The following XRCC2 variants were observed in gnomAD, a reference collection of about 807,000 sequenced individuals.
XRCC2 encodes DNA repair protein XRCC2.
Under a neutral mutation model 27.3 loss-of-function variants are expected in XRCC2, and 24 were observed. The ratio of observed to expected loss-of-function variants is 0.88; its 90% CI spans 0.64 to 1.24. XRCC2 has a LOEUF of 1.24. Ranked by LOEUF, XRCC2 falls within the 50% of genes most tolerant of loss-of-function variation. The pLI, the probability that XRCC2 is intolerant of heterozygous loss-of-function variation, is 0.00. For missense variants in XRCC2, 321 were observed against 325.8 expected (o/e 0.99, Z 0.11); for synonymous variants, 106 against 115.4 (o/e 0.92, Z 0.52).
chr7:152,669,175 A>C (rs1189736001), intron 1 of XRCC2, among the ~76,000 whole-genome samples: 1 of 152,178 alleles, frequency 6.6e-6, no homozygotes, highest in Non-Finnish European at 1.5e-5. Context: ...CAAGAGTTCA[A>C]GACTAGCCTG....
At chr7:152,675,122 C>A (rs2098040352) in intron 1 of XRCC2, among the ~76,000 whole-genome samples, 1 of 152,184 alleles carries the variant, frequency 6.6e-6, no homozygotes, top group Non-Finnish European at 1.5e-5. Flanking sequence ...TACTTCCCAA[C>A]CTATTGTCCC....
chr7:152,666,638 G>C lies in XRCC2; in HGVS notation c.40-5856C>G, dbSNP rs1419812506. ...ATTCTTTATTTTTTTTTTTTTTTGA[G>C]ACAGAGTCTCGCTTTGTCACCAAGG... On this transcript the variant is annotated intron_variant, in intron 1 of 2. Coordinates refer to ENST00000359321, the MANE Select transcript of XRCC2 (RefSeq NM_005431.2). 4.9e-5 allele frequency among the ~76,000 whole-genome samples: 7 copies of C among 142,124 alleles called. No individual in the cohort carries two copies. In the South Asian group the frequency reaches 1.6e-3, roughly 32 times the overall value. The allele number at this position is 142,124 out of a possible 152,430, so 93.2% of individuals were successfully genotyped here.
chr7:152,652,435 C>T (rs1042209699), intron 2 of XRCC2, among the ~76,000 whole-genome samples: 1 of 152,078 alleles, frequency 6.6e-6, no homozygotes, highest in African/African-American at 2.4e-5. Context: ...ACAGCAAATC[C>T]TCCCTCTCCT....
chr7:152,658,954 G>A (rs2098031882), intron 2 of XRCC2, among the ~76,000 whole-genome samples: 1 of 152,156 alleles, frequency 6.6e-6, no homozygotes, highest in Non-Finnish European at 1.5e-5. Context: ...ATTTCTCCAA[G>A]ATCCTACTTT....
intron 1 of XRCC2, among the ~76,000 whole-genome samples, chr7:152,667,077 C>T (rs532027672): frequency 6.6e-6 from 1 of 152,200 alleles, no homozygotes; most frequent in East Asian, 1.9e-4. Flanking sequence ...CTGTAGAATC[C>T]TCACCCCTGA....
At chr7:152,674,739 A>AAATATATTTTAAAATATATTTATATAT in intron 1 of XRCC2, among the ~76,000 whole-genome samples, 1 of 3,546 alleles carries the variant, frequency 2.8e-4, no homozygotes, top group African/African-American at 7.9e-4. Flanking sequence ...TATTATATAT[A>AAATATATTTTAAAATATATTTATATAT]AATATATTTT....
chr7:152,657,491 A>G (rs911491890), intron 2 of XRCC2, among the ~76,000 whole-genome samples: 3 of 151,976 alleles, frequency 2.0e-5, no homozygotes, highest in Non-Finnish European at 4.4e-5. Context: ...AGGTTTCACC[A>G]TGTTGGCCAG....
rs2098025406 is a variant in XRCC2, at chr7:152,645,570, G to A, written c.*3072C>T. On this transcript the variant is annotated 3_prime_UTR_variant, in exon 3 of 3. Transcript: ENST00000359321. Reference sequence around the variant, plus strand: ...CTAACCTTTAAAGAATGACAGTTTTGTTTCTTCCATATGCCTTTTTTTCAT... The same window carrying A: ...CTAACCTTTAAAGAATGACAGTTTTATTTCTTCCATATGCCTTTTTTTCAT... 1 of 152,006 alleles carries A rather than the reference G, an allele frequency of 6.6e-6. No individual in the cohort carries two copies. Among genetic ancestry groups the A allele is most frequent in the Non-Finnish European group, 1.5e-5 (1 of 67,992 alleles). 9.4% of individuals were successfully genotyped at this position (152,006 alleles called of 1,614,324 possible). A position where few individuals can be genotyped will look rare whatever the true frequency, so the allele number is the denominator to read the frequency against.
chr7:152,646,729 G>A lies in XRCC2; in HGVS notation c.*1913C>T, dbSNP rs948845452. 17 of 152,204 alleles carry A rather than the reference G, an allele frequency of 1.1e-4. No homozygotes were observed. Among genetic ancestry groups the A allele is most frequent in the African/African-American group, 2.2e-4 (9 of 41,428 alleles). The allele number at this position is 152,204 out of a possible 1,614,324, so 9.4% of individuals were successfully genotyped here. On this transcript the variant is annotated 3_prime_UTR_variant, in exon 3 of 3. Coordinates refer to ENST00000359321, the MANE Select transcript of XRCC2 (RefSeq NM_005431.2). ...TGAGCGCGGGCAATCCACCCACCTC[G>A]GCCTCGCAAAGTGCTAGGATCACAG... is the stretch of plus-strand genomic sequence containing the variant.
chr7:152,651,831 T>C (rs1274297382), intron 2 of XRCC2, among the ~76,000 whole-genome samples: 1 of 151,720 alleles, frequency 6.6e-6, no homozygotes, highest in Non-Finnish European at 1.5e-5. Flanking sequence ...TCTTATAGCA[T>C]AGTATGTTAT....
At chr7:152,655,763 C>A (rs7802992) in intron 2 of XRCC2, among the ~76,000 whole-genome samples, 3 of 152,074 alleles carry the variant, frequency 2.0e-5, no homozygotes, top group African/African-American at 7.2e-5. Flanking sequence ...GTAATCTCAG[C>A]ACTTTGGGAG....
rs775423003 is a variant in XRCC2, at chr7:152,647,133, C to T, written c.*1509G>A. On this transcript the variant is annotated 3_prime_UTR_variant, in exon 3 of 3. Coordinates refer to ENST00000359321, the MANE Select transcript of XRCC2 (RefSeq NM_005431.2). Reference sequence around the variant, plus strand: ...GTGAGATGGTATCTCGTTGTTGTTTCGATTTGCATTTCTCTAATGATCAGT... The same window carrying T: ...GTGAGATGGTATCTCGTTGTTGTTTTGATTTGCATTTCTCTAATGATCAGT... 1.3e-5 allele frequency: 2 copies of T among 152,068 alleles called. No homozygotes were observed. Among genetic ancestry groups the T allele is most frequent in the South Asian group, 2.1e-4 (1 of 4,828 alleles). 9.4% of individuals were successfully genotyped at this position (152,068 alleles called of 1,614,324 possible). A position where few individuals can be genotyped will look rare whatever the true frequency, so the allele number is the denominator to read the frequency against.
intron 1 of XRCC2, among the ~76,000 whole-genome samples, chr7:152,675,049 T>G (rs938854588): frequency 2.0e-5 from 3 of 152,102 alleles, no homozygotes; most frequent in Non-Finnish European, 2.9e-5. Flanking sequence ...CTGACTCTTT[T>G]GAGATTGCTT....
chr7:152,666,394 C>G (rs1438382702), intron 1 of XRCC2, among the ~76,000 whole-genome samples: 1 of 151,652 alleles, frequency 6.6e-6, no homozygotes, highest in African/African-American at 2.4e-5. Flanking sequence ...TTACTTTTTG[C>G]AGAGACAGGG....
Position 152,674,337 on chromosome 7 carries a change from C to T in XRCC2, c.39+1704G>A, listed in dbSNP as rs145541650. On this transcript the variant is annotated intron_variant, in intron 1 of 2. Coordinates refer to ENST00000359321, the MANE Select transcript of XRCC2 (RefSeq NM_005431.2). ...AATCATTTAAATATAAGGTTTTGGC[C>T]GGGCGCAGTGGCTCACACCTGTAAT... 9.9e-3 allele frequency among the ~76,000 whole-genome samples: 1,500 copies of T among 152,150 alleles called. 9 individuals carry two copies. Among genetic ancestry groups the T allele is most frequent in the Middle Eastern group, 0.068 (20 of 294 alleles).
Position 152,657,304 on chromosome 7 carries a change from G to A in XRCC2, c.121+3397C>T, listed in dbSNP as rs150922623. ...CTGTTTTTTCATCTATCTGATTTAA[G>A]AAGGAAGTTGTTTTTGCGACAGTCT... On this transcript the variant is annotated intron_variant, in intron 2 of 2. Coordinates refer to ENST00000359321, the MANE Select transcript of XRCC2 (RefSeq NM_005431.2). Among the ~76,000 whole-genome samples the A allele has an allele frequency of 3.7e-3, 558 of 151,592 alleles. 5 individuals carry two copies. Among genetic ancestry groups the A allele is most frequent in the African/African-American group, 0.013 (535 of 41,402 alleles).
chr7:152,653,498 C>T (rs2098029416), intron 2 of XRCC2, among the ~76,000 whole-genome samples: 3 of 152,120 alleles, frequency 2.0e-5, no homozygotes, highest in South Asian at 2.1e-4. Context: ...CTCATTCTGT[C>T]GCCCAGGCAA....
At chr7:152,669,142 G>A (rs1399642224) in intron 1 of XRCC2, among the ~76,000 whole-genome samples, 2 of 152,146 alleles carry the variant, frequency 1.3e-5, no homozygotes, top group Admixed American at 6.5e-5. Flanking sequence ...ACTTTGAGAG[G>A]CTGAGGCAGG....
At chr7:152,651,769 C>T (rs1413006979) in intron 2 of XRCC2, among the ~76,000 whole-genome samples, 1 of 151,872 alleles carries the variant, frequency 6.6e-6, no homozygotes, top group Non-Finnish European at 1.5e-5. Context: ...CTGCCTCAGC[C>T]TCCCAAAGTG....
Sources: allele counts gnomAD v4.1 joint callset (sites outside exome capture counted in the v4.1 genomes callset), GRCh38; gene constraint gnomAD v4.1.1; transcripts MANE v1.5; gene names NCBI Gene and HGNC (gene_info 2026-07-23, HGNC 2026-07-21).